Variants in TYW1 observed in about 807,000 individuals in gnomAD.
TYW1 encodes S-adenosyl-L-methionine-dependent tRNA 4-demethylwyosine synthase TYW1.
A neutral mutation model predicts 96.2 loss-of-function variants in TYW1; 46 were observed. The observed-to-expected ratio is 0.48, with a 90% CI of 0.38 to 0.61. The LOEUF (loss-of-function observed/expected upper bound fraction) is 0.61. TYW1 is among the 20% of genes least tolerant of loss of function. The pLI, the probability that TYW1 is intolerant of heterozygous loss-of-function variation, is 0.00. For synonymous variants in TYW1, 274 were observed against 323.0 expected, an observed-to-expected ratio of 0.85 and a Z score of 1.63; for missense variants, 684 against 909.6, an observed-to-expected ratio of 0.75 and a Z score of 3.19.
rs570303729 is a variant in TYW1, at chr7:67,067,095, G to C, written c.1156-190G>C. On this transcript the variant is annotated intron_variant, in intron 9 of 15. Coordinates refer to ENST00000359626, the MANE Select transcript of TYW1 (RefSeq NM_018264.4). ...ATGAATCATAGGTTTATTTCACTGG[G>C]CTTTAGTAAAAACCCAAAGCACTGC... 245 of 612,076 alleles carry C rather than the reference G, an allele frequency of 4.0e-4. 3 individuals carry two copies. In the South Asian group the frequency reaches 4.7e-3, roughly 12 times the overall value. The allele number at this position is 612,076 out of a possible 1,614,324, so 37.9% of individuals were successfully genotyped here.
intron 3 of TYW1, among the ~76,000 whole-genome samples, chr7:67,008,574 C>T (rs1793681057): frequency 6.6e-6 from 1 of 152,170 alleles, no homozygotes; most frequent in Non-Finnish European, 1.5e-5. Flanking sequence ...TTCTGTTAGC[C>T]CTGTGAACTC....
chr7:67,053,030 G>A (rs1252686314), intron 8 of TYW1, among the ~76,000 whole-genome samples: 6 of 151,202 alleles, frequency 4.0e-5, no homozygotes, highest in Admixed American at 2.0e-4. Context: ...CTTGAGCCAC[G>A]GTGCCTGGCC....
rs184890263 is a variant in TYW1, at chr7:67,090,514, T to G, written c.1384+6975T>G. ...GAGATGAAGTCCGCTTGTTAGTTAC[T>G]CTGCTGACTGTAATTGTGATTATCC... On this transcript the variant is annotated intron_variant, in intron 11 of 15. Coordinates refer to ENST00000359626, the MANE Select transcript of TYW1 (RefSeq NM_018264.4). Among the ~76,000 whole-genome samples, 74 of 152,318 alleles carry G rather than the reference T, an allele frequency of 4.9e-4. 1 individual carries two copies. In the East Asian group the frequency reaches 0.012, roughly 25 times the overall value.
chr7:67,112,759 G>A (rs1327268552), intron 12 of TYW1, among the ~76,000 whole-genome samples: 1 of 152,142 alleles, frequency 6.6e-6, no homozygotes, highest in Admixed American at 6.5e-5. Flanking sequence ...TTAAATTGTG[G>A]TTAAGAGGTT....
intron 13 of TYW1, among the ~76,000 whole-genome samples, chr7:67,137,067 C>CTTT: frequency 6.7e-6 from 1 of 149,670 alleles, no homozygotes; most frequent in Admixed American, 6.6e-5. Context: ...CCCACCCTGG[C>CTTT]CTCCCAAAGT....
chr7:67,038,984 C>T (rs1274728174), intron 7 of TYW1, among the ~76,000 whole-genome samples: 1 of 152,116 alleles, frequency 6.6e-6, no homozygotes, highest in Admixed American at 6.6e-5. Flanking sequence ...TTGGGATGCT[C>T]AACTGTTAAG....
chr7:67,021,061 T>A (rs1794243124), intron 6 of TYW1, among the ~76,000 whole-genome samples: 1 of 152,268 alleles, frequency 6.6e-6, no homozygotes, highest in Admixed American at 6.5e-5. Flanking sequence ...GTCAAATGAG[T>A]TTGAATATCC....
At chr7:67,186,273 G>GCCCCA (rs1189624130) in intron 14 of TYW1, among the ~76,000 whole-genome samples, 6 of 34,202 alleles carry the variant, frequency 1.8e-4, no homozygotes, top group Admixed American at 7.2e-4. Context: ...CTTCCCCCCC[G>GCCCCA]CCCCACCTCT....
At chr7:67,100,144 A>G (rs564670958) in intron 12 of TYW1, among the ~76,000 whole-genome samples, 60 of 152,282 alleles carry the variant, frequency 3.9e-4, no homozygotes, top group Non-Finnish European at 4.1e-4. Flanking sequence ...ATGGGGCCCC[A>G]TAACAGCAGA....
chr7:67,158,655 C>T (rs557293254), intron 13 of TYW1, among the ~76,000 whole-genome samples: 18 of 151,734 alleles, frequency 1.2e-4, no homozygotes, highest in South Asian at 6.3e-4. Flanking sequence ...CTGCAAGCTC[C>T]GCCTCCCGGG....
intron 15 of TYW1, among the ~76,000 whole-genome samples, chr7:67,201,913 T>C (rs1233980011): frequency 6.6e-6 from 1 of 152,170 alleles, no homozygotes; most frequent in Non-Finnish European, 1.5e-5. Context: ...CAGCCTAACG[T>C]TGAAACTGGG....
chr7:67,214,439 A>C (rs1256584641), intron 15 of TYW1, among the ~76,000 whole-genome samples: 6 of 152,126 alleles, frequency 3.9e-5, no homozygotes, highest in Non-Finnish European at 8.8e-5. Context: ...TAATCATGTC[A>C]TCTGTACACA....
At chr7:66,999,775 CT>C (rs200711970) in intron 3 of TYW1, among the ~76,000 whole-genome samples, 2 of 152,084 alleles carry the variant, frequency 1.3e-5, no homozygotes, top group East Asian at 3.9e-4. Flanking sequence ...CATTCTCTCT[CT>C]TTTTTGCGGG....
intron 12 of TYW1, chr7:67,114,456 T>C (rs1475576041): frequency 6.6e-6 from 1 of 152,548 alleles, no homozygotes; most frequent in Non-Finnish European, 1.5e-5. Context: ...ATGATAATTC[T>C]TCACTCAGAG....
intron 7 of TYW1, among the ~76,000 whole-genome samples, 153 bp downstream of exon 7, chr7:67,025,175 A>G (rs1484164507): frequency 2.0e-5 from 3 of 151,990 alleles, no homozygotes; most frequent in East Asian, 1.9e-4. Flanking sequence ...GCCATTTTTC[A>G]TGAGCGTGGT....
chr7:67,166,068 A>G (rs1386587712), intron 13 of TYW1, among the ~76,000 whole-genome samples: 2 of 152,028 alleles, frequency 1.3e-5, no homozygotes, highest in African/African-American at 4.8e-5. Flanking sequence ...GCGACACTCC[A>G]TCTCTACAAA....
chr7:67,154,873 T>C (rs1480778428), intron 13 of TYW1, among the ~76,000 whole-genome samples: 1 of 152,204 alleles, frequency 6.6e-6, no homozygotes, highest in Non-Finnish European at 1.5e-5. Context: ...CTGTATACTT[T>C]TAAATTATCT....
chr7:67,194,727 T>A (rs2116341279), intron 14 of TYW1, among the ~76,000 whole-genome samples: 1 of 150,770 alleles, frequency 6.6e-6, no homozygotes, highest in Non-Finnish European at 1.5e-5. Context: ...GAAGCTCAGC[T>A]TATTTTCCCA....
At chr7:67,119,808 G>A (rs143392001) in intron 13 of TYW1, among the ~76,000 whole-genome samples, 5,057 of 151,966 alleles carry the variant, frequency 0.033, 283 homozygotes, top group East Asian at 0.16. Context: ...TTTTCTTGGA[G>A]ACTGGGTCTT....
Sources: allele counts gnomAD v4.1 joint callset (sites outside exome capture counted in the v4.1 genomes callset), GRCh38; gene constraint gnomAD v4.1.1; transcripts MANE v1.5; gene names NCBI Gene and HGNC (gene_info 2026-07-23, HGNC 2026-07-21).